Variants in MDGA2 observed in about 807,000 individuals in gnomAD.
The protein encoded by MDGA2 is MAM domain containing glycosylphosphatidylinositol anchor 2, also known as MAM domain-containing glycosylphosphatidylinositol anchor protein 2.
In MDGA2, 40 loss-of-function variants were observed where a neutral mutation model predicts 117.8. That is an observed-to-expected ratio of 0.34 (90% confidence interval 0.26 to 0.44). The LOEUF is 0.44. MDGA2 is among the 20% of genes least tolerant of loss of function. The probability of loss-of-function intolerance (pLI) is 1.00; values close to 1 mark genes in which losing one functional copy is unlikely to be tolerated. For missense variants in MDGA2, 1,123 were observed against 1,250.6 expected, an observed-to-expected ratio of 0.90 and a Z score of 1.54; for synonymous variants, 452 against 439.0, an observed-to-expected ratio of 1.03 and a Z score of -0.37.
chr14:46,965,633 G>A (rs533498814), intron 8 of MDGA2, among the ~76,000 whole-genome samples: 71 of 152,170 alleles, frequency 4.7e-4, no homozygotes, highest in African/African-American at 1.7e-3. Context: ...CTGATAGATG[G>A]TTCATTTTAA....
chr14:47,040,161 G>C (rs1221873970), intron 7 of MDGA2, among the ~76,000 whole-genome samples: 1 of 152,014 alleles, frequency 6.6e-6, no homozygotes, highest in Non-Finnish European at 1.5e-5. Flanking sequence ...GAGAAACACA[G>C]TACAAAATTT....
intron 1 of MDGA2, among the ~76,000 whole-genome samples, chr14:47,383,499 A>G (rs1357663642): frequency 6.6e-6 from 1 of 152,198 alleles, no homozygotes; most frequent in Non-Finnish European, 1.5e-5. Flanking sequence ...TAAATGACAC[A>G]TATCACACCA....
At chr14:47,582,953 G>A (rs1054451040) in intron 1 of MDGA2, among the ~76,000 whole-genome samples, 43 of 151,758 alleles carry the variant, frequency 2.8e-4, no homozygotes, top group African/African-American at 1.0e-3. Context: ...ACATCTTATC[G>A]TGAATGCCAC....
intron 1 of MDGA2, among the ~76,000 whole-genome samples, chr14:47,609,021 G>C (rs1355730374): frequency 6.6e-6 from 1 of 151,994 alleles, no homozygotes; most frequent in South Asian, 2.1e-4. Context: ...AGCAGGTCCA[G>C]TGAGGGAAAA....
At chr14:47,036,270 C>CAAA (rs11310113) in intron 7 of MDGA2, among the ~76,000 whole-genome samples, 38 of 74,382 alleles carry the variant, frequency 5.1e-4, no homozygotes, top group South Asian at 1.1e-3. Flanking sequence ...ACTCTGTCTC[C>CAAA]AAAAAAAAAA....
intron 1 of MDGA2, among the ~76,000 whole-genome samples, chr14:47,352,560 C>T (rs1890907471): frequency 6.6e-6 from 1 of 152,182 alleles, no homozygotes; most frequent in Non-Finnish European, 1.5e-5. Flanking sequence ...ACGCAACTGA[C>T]AGTTCTTACA....
intron 1 of MDGA2, among the ~76,000 whole-genome samples, chr14:47,475,072 G>T (rs1201629561): frequency 6.6e-6 from 1 of 152,070 alleles, no homozygotes. Flanking sequence ...GAAAATTTTT[G>T]CAATCTATCT....
chr14:47,086,022 GAAAT>G (rs1456536580), intron 6 of MDGA2, among the ~76,000 whole-genome samples: 1 of 150,968 alleles, frequency 6.6e-6, no homozygotes, highest in East Asian at 1.9e-4. Context: ...TACATACATT[GAAAT>G]GTTCATGTCT....
At chr14:47,371,092 T>A (rs908867862) in intron 1 of MDGA2, among the ~76,000 whole-genome samples, 1 of 151,880 alleles carries the variant, frequency 6.6e-6, no homozygotes, top group Non-Finnish European at 1.5e-5. Context: ...TTTTACAAAT[T>A]GAAATACACT....
chr14:47,618,470 C>T (rs1896987549), intron 1 of MDGA2, among the ~76,000 whole-genome samples: 1 of 152,164 alleles, frequency 6.6e-6, no homozygotes, highest in African/African-American at 2.4e-5. Context: ...CCCCTACTCC[C>T]TGAATGTGAC....
At chr14:47,111,636 T>C (rs1051566898) in intron 5 of MDGA2, among the ~76,000 whole-genome samples, 12 of 152,140 alleles carry the variant, frequency 7.9e-5, no homozygotes, top group Non-Finnish European at 1.3e-4. Context: ...ACAAAACTTT[T>C]TAATTGGCTC....
At chr14:47,338,996 A>C (rs1890540728) in intron 1 of MDGA2, among the ~76,000 whole-genome samples, 1 of 152,102 alleles carries the variant, frequency 6.6e-6, no homozygotes, top group Non-Finnish European at 1.5e-5. Flanking sequence ...CTCATTTTGA[A>C]ATTTTCTATG....
intron 3 of MDGA2, among the ~76,000 whole-genome samples, chr14:47,188,651 A>G (rs1884999305): frequency 1.3e-5 from 2 of 152,216 alleles, no homozygotes; most frequent in African/African-American, 2.4e-5. Context: ...ACAGTAATAA[A>G]TAAGATTCTC....
intron 4 of MDGA2, among the ~76,000 whole-genome samples, chr14:47,137,240 A>C (rs1343142327): frequency 6.6e-6 from 1 of 152,188 alleles, no homozygotes; most frequent in African/African-American, 2.4e-5. Context: ...TATAAATACA[A>C]TGGTATGCAC....
intron 4 of MDGA2, among the ~76,000 whole-genome samples, chr14:47,143,772 T>G (rs527794091): frequency 6.6e-5 from 10 of 151,962 alleles, no homozygotes; most frequent in African/African-American, 2.2e-4. Context: ...AAAACCCAAA[T>G]CAGCTAGCAA....
At chr14:46,919,373 A>G (rs1884034426) in intron 10 of MDGA2, among the ~76,000 whole-genome samples, 2 of 152,230 alleles carry the variant, frequency 1.3e-5, no homozygotes, top group Admixed American at 1.3e-4. Flanking sequence ...AAGAAGAAAC[A>G]ATGTAAAGAC....
At chr14:47,324,378 T>C (rs1165251564) in intron 1 of MDGA2, among the ~76,000 whole-genome samples, 3 of 152,198 alleles carry the variant, frequency 2.0e-5, no homozygotes, top group Non-Finnish European at 2.9e-5. Context: ...CCAGAATCAC[T>C]GGAAATATAG....
intron 1 of MDGA2, among the ~76,000 whole-genome samples, chr14:47,673,995 G>A (rs956155441): frequency 1.3e-5 from 2 of 151,614 alleles, no homozygotes; most frequent in African/African-American, 2.4e-5. Flanking sequence ...CATGGCAACC[G>A]CTGGTGCAGA....
At chr14:47,528,574 A>T (rs2138726701) in intron 1 of MDGA2, among the ~76,000 whole-genome samples, 1 of 152,364 alleles carries the variant, frequency 6.6e-6, no homozygotes, top group Non-Finnish European at 1.5e-5. Context: ...ACTAGAAAAT[A>T]ATAATCCACA....
Sources: allele counts gnomAD v4.1 joint callset (sites outside exome capture counted in the v4.1 genomes callset), GRCh38; gene constraint gnomAD v4.1.1; transcripts MANE v1.5; gene names NCBI Gene and HGNC (gene_info 2026-07-23, HGNC 2026-07-21).